Variants in FAM163A observed in about 807,000 individuals in gnomAD.
FAM163A encodes family with sequence similarity 163 member A.
Under a neutral mutation model 12.0 loss-of-function variants are expected in FAM163A, and 7 were observed. That is an observed-to-expected ratio of 0.58 (90% CI 0.33 to 1.10). The LOEUF (loss-of-function observed/expected upper bound fraction) is 1.10. FAM163A is among the 50% of genes least tolerant of loss of function. FAM163A has a pLI of 0.03. For missense variants in FAM163A, 202 were observed against 218.6 expected, an observed-to-expected ratio of 0.92 and a Z score of 0.48; for synonymous variants, 101 against 91.0, an observed-to-expected ratio of 1.11 and a Z score of -0.62.
chr1:179,793,105 T>C (rs1038588155), intron 1 of FAM163A, among the ~76,000 whole-genome samples: 13 of 152,096 alleles, frequency 8.5e-5, no homozygotes, highest in African/African-American at 3.1e-4. Context: ...TCTTTAGATA[T>C]CTGACAAAGA....
At chr1:179,788,582 A>G (rs1690976922) in intron 1 of FAM163A, among the ~76,000 whole-genome samples, 1 of 152,206 alleles carries the variant, frequency 6.6e-6, no homozygotes, top group Non-Finnish European at 1.5e-5. Context: ...GCCTCTTACC[A>G]GTGGCATGGG....
At chr1:179,813,737 G>C in intron 4 of FAM163A, 42 bp from the exon 5 acceptor site, 1 of 1,609,214 alleles carries the variant, frequency 6.2e-7, no homozygotes, top group Middle Eastern at 1.7e-4. Flanking sequence ...GGGGCGGGGG[G>C]AGCATTCACC....
intron 2 of FAM163A, among the ~76,000 whole-genome samples, 178 bp downstream of exon 2, chr1:179,808,066 A>G (rs1481037093): frequency 6.6e-6 from 1 of 152,170 alleles, no homozygotes; most frequent in Non-Finnish European, 1.5e-5. Context: ...CCACTGAGTC[A>G]TTCTGCCCTA....
intron 1 of FAM163A, among the ~76,000 whole-genome samples, chr1:179,771,742 G>C (rs1434927627): frequency 2.0e-5 from 3 of 151,886 alleles, no homozygotes; most frequent in African/African-American, 7.3e-5. Flanking sequence ...CTCCACTGCT[G>C]TTACTGACAT....
intron 1 of FAM163A, among the ~76,000 whole-genome samples, chr1:179,780,183 A>G (rs1158664585): frequency 6.6e-6 from 1 of 152,224 alleles, no homozygotes; most frequent in East Asian, 1.9e-4. Flanking sequence ...GCAAATGTAT[A>G]TTTATGTTAT....
intron 1 of FAM163A, among the ~76,000 whole-genome samples, chr1:179,785,178 C>A (rs1690427354): frequency 6.6e-6 from 1 of 152,190 alleles, no homozygotes; most frequent in Non-Finnish European, 1.5e-5. Flanking sequence ...ACCCCCCATT[C>A]CTCACCCTGG....
intron 1 of FAM163A, among the ~76,000 whole-genome samples, chr1:179,789,708 G>A (rs183435211): frequency 6.6e-5 from 10 of 152,276 alleles, no homozygotes; most frequent in African/African-American, 2.4e-4. Context: ...CTGGGAGGAA[G>A]GCAAAGTCAT....
At chr1:179,734,876 C>T in the FAM163A span, among the ~76,000 whole-genome samples, 3 of 152,282 alleles carry the variant, frequency 2.0e-5, no homozygotes, top group Admixed American at 6.5e-5. Context: ...GGACTGGCCT[C>T]ATTAGGTAAG....
intron 1 of FAM163A, among the ~76,000 whole-genome samples, chr1:179,784,745 G>A (rs1230711863): frequency 6.6e-6 from 1 of 152,186 alleles, no homozygotes; most frequent in Non-Finnish European, 1.5e-5. Context: ...TTTCTTTCAG[G>A]TAGAAGATAG....
intron 1 of FAM163A, among the ~76,000 whole-genome samples, chr1:179,769,038 C>A (rs1273983702): frequency 5.9e-5 from 9 of 152,156 alleles, no homozygotes; most frequent in Non-Finnish European, 8.8e-5. Flanking sequence ...AACATGATGT[C>A]TAGGATATGC....
At chr1:179,773,926 T>A (rs1688602446) in intron 1 of FAM163A, among the ~76,000 whole-genome samples, 2 of 152,198 alleles carry the variant, frequency 1.3e-5, no homozygotes, top group South Asian at 2.1e-4. Flanking sequence ...AATGACTTTG[T>A]CTAATTGAAA....
At chr1:179,758,445 C>T (rs941019990) in intron 1 of FAM163A, among the ~76,000 whole-genome samples, 3 of 152,172 alleles carry the variant, frequency 2.0e-5, no homozygotes, top group Admixed American at 6.5e-5. Context: ...AAAGGGTGAA[C>T]GCCCCACCCC....
intron 1 of FAM163A, among the ~76,000 whole-genome samples, chr1:179,797,955 C>T (rs1379751054): frequency 3.9e-5 from 6 of 152,068 alleles, no homozygotes; most frequent in South Asian, 2.1e-4. Context: ...CATGGCCGGG[C>T]GCAGTGGCTC....
In FAM163A at chr1:179,775,243, A is replaced by C. The variant is rs186917790; in HGVS notation, c.-136+31820A>C. ...ATCAGAGGCTGAAGTGAAATTACAG[A>C]GGTCATACTCCTGTGCAAACATCCA... On this transcript the variant is annotated intron_variant, in intron 1 of 4. Coordinates refer to ENST00000341785, the MANE Select transcript of FAM163A (RefSeq NM_173509.3). Among the ~76,000 whole-genome samples the C allele has an allele frequency of 8.5e-4, 129 of 152,336 alleles. 1 individual carries two copies. Among genetic ancestry groups the C allele is most frequent in the African/African-American group, 2.9e-3 (122 of 41,574 alleles).
At position 179,814,035 on chromosome 1, in the gene FAM163A, G is replaced by T. The variant is rs775308088; in HGVS notation, c.350G>T (p.Gly117Val). Reference sequence around the variant, plus strand: ...ACGGCTGACATGGTGCCCAATGGGGGTGGAGGCGAGAGGCTCTCCTTTGCT... The same window carrying T: ...ACGGCTGACATGGTGCCCAATGGGGTTGGAGGCGAGAGGCTCTCCTTTGCT... ...IRTADMVPNGGGGERLSFAPT... is the reference protein window; with the variant it reads ...IRTADMVPNGVGGERLSFAPT... Residue 117 changes from glycine (G) to valine (V), a missense_variant, in exon 5 of 5, where the codon GGT becomes GTT. Transcript: ENST00000341785. 3 of 1,613,574 alleles carry T rather than the reference G, an allele frequency of 1.9e-6. No individual in the cohort carries two copies. The highest frequency in any genetic ancestry group is 1.1e-5 in the South Asian group (1 of 91,004).
At chr1:179,733,486 T>A in the FAM163A span, among the ~76,000 whole-genome samples, 1 of 152,108 alleles carries the variant, frequency 6.6e-6, no homozygotes. Flanking sequence ...GAAAAACATG[T>A]AAAGCTAAAT....
At chr1:179,757,171 T>C (rs970787944) in intron 1 of FAM163A, among the ~76,000 whole-genome samples, 3 of 151,816 alleles carry the variant, frequency 2.0e-5, no homozygotes, top group African/African-American at 7.3e-5. Context: ...TAGCTATGAG[T>C]GGGATGTGAG....
At chr1:179,807,085 GAAAA>G (rs111889898) in intron 1 of FAM163A, among the ~76,000 whole-genome samples, 2 of 138,432 alleles carry the variant, frequency 1.4e-5, no homozygotes, top group Non-Finnish European at 1.6e-5. Flanking sequence ...CTGTGTCTCA[GAAAA>G]AAAAAAAAAG....
intron 1 of FAM163A, chr1:179,803,990 G>T (rs1003603739): frequency 7.1e-5 from 10 of 140,976 alleles, no homozygotes; most frequent in Admixed American, 2.8e-4. Flanking sequence ...AGGCCAGGCG[G>T]CAGGAGGAGG....
Sources: allele counts gnomAD v4.1 joint callset (sites outside exome capture counted in the v4.1 genomes callset), GRCh38; gene constraint gnomAD v4.1.1; transcripts MANE v1.5; gene names NCBI Gene and HGNC (gene_info 2026-07-23, HGNC 2026-07-21).